PUDP: variants seen among roughly 807,000 people sequenced by gnomAD.
The protein encoded by PUDP is pseudouridine-5'-phosphatase.
A neutral mutation model predicts 9.4 loss-of-function variants in PUDP; 8 were observed. The observed-to-expected ratio is 0.85, with a 90% CI of 0.50 to 1.53. PUDP has a LOEUF of 1.53. Among genes scored for constraint, PUDP ranks in the 40% most tolerant of loss-of-function variants. The probability of loss-of-function intolerance (pLI) is 0.00; values close to 1 mark genes in which losing one functional copy is unlikely to be tolerated. For synonymous variants in PUDP, 99 were observed against 80.7 expected (o/e 1.23, Z -1.22); for missense variants, 188 against 189.7 (o/e 0.99, Z 0.05).
intron 3 of PUDP, among the ~76,000 whole-genome samples, chrX:6,953,406 T>G (rs1928582697): frequency 9.0e-6 from 1 of 111,089 alleles, no homozygotes; most frequent in South Asian, 3.8e-4. Context: ...TCAAAAGGTA[T>G]GAGGGAGTCT....
chrX:6,711,247 C>T (rs1281920780), intron 1 of PUDP, among the ~76,000 whole-genome samples: 1 of 111,268 alleles, frequency 9.0e-6, no homozygotes, highest in Non-Finnish European at 1.9e-5. Context: ...CAGGTATGAA[C>T]AAAATCCATG....
intron 3 of PUDP, among the ~76,000 whole-genome samples, chrX:6,970,965 C>T (rs185477594): frequency 2.4e-3 from 267 of 110,831 alleles, no homozygotes; most frequent in Non-Finnish European, 4.3e-3. Flanking sequence ...GTAGGAGAAT[C>T]GCTTGAACCT....
intron 3 of PUDP, among the ~76,000 whole-genome samples, chrX:6,910,676 G>T (rs1039210318): frequency 7.1e-5 from 8 of 112,385 alleles, no homozygotes; most frequent in African/African-American, 2.6e-4. Flanking sequence ...AAGTGTTTCT[G>T]GAGGATAAAA....
At chrX:6,814,666 T>C (rs1401265533) in intron 3 of PUDP, among the ~76,000 whole-genome samples, 1 of 111,845 alleles carries the variant, frequency 8.9e-6, no homozygotes, top group Non-Finnish European at 1.9e-5. Flanking sequence ...ATAAGCCTTT[T>C]TAAAATGAGA....
intron 1 of PUDP, among the ~76,000 whole-genome samples, chrX:7,118,977 TACTG>T (rs76012187): frequency 0.058 from 6,443 of 111,936 alleles, 189 homozygotes; most frequent in South Asian, 0.088. Context: ...TTGAAACAAA[TACTG>T]ACAAAGAGAA....
intron 1 of PUDP, among the ~76,000 whole-genome samples, chrX:7,125,305 C>G (rs1318691754): frequency 1.8e-5 from 2 of 111,704 alleles, no homozygotes; most frequent in African/African-American, 6.5e-5. Context: ...TTCCATTTAG[C>G]TAATGGCAAT....
intron 2 of PUDP, among the ~76,000 whole-genome samples, chrX:7,095,352 C>G (rs965558152): frequency 8.9e-6 from 1 of 112,284 alleles, no homozygotes; most frequent in Non-Finnish European, 1.9e-5. Flanking sequence ...CATACCCCCA[C>G]GAGTGAAAGC....
chrX:6,734,443 G>A (rs1924849914), intron 3 of PUDP, among the ~76,000 whole-genome samples: 2 of 112,056 alleles, frequency 1.8e-5, no homozygotes, highest in South Asian at 7.6e-4. Flanking sequence ...ATCACATTGT[G>A]CCTCATAAAC....
chrX:7,063,468 G>C (rs1401454266), intron 3 of PUDP, among the ~76,000 whole-genome samples: 1 of 111,494 alleles, frequency 9.0e-6, no homozygotes, highest in African/African-American at 3.3e-5. Flanking sequence ...AAAAGATCAA[G>C]TAATTACTAA....
chrX:7,000,151 G>GAA (rs1259059127), intron 1 of PUDP, among the ~76,000 whole-genome samples: 1 of 109,976 alleles, frequency 9.1e-6, no homozygotes, highest in Non-Finnish European at 1.9e-5. Flanking sequence ...GAGAGAGAGA[G>GAA]AGAGAGAAAC....
intron 1 of PUDP, among the ~76,000 whole-genome samples, chrX:6,711,666 T>G (rs1304818675): frequency 9.0e-6 from 1 of 111,665 alleles, no homozygotes; most frequent in Non-Finnish European, 1.9e-5. Context: ...TTCCGAGGCT[T>G]CTTCTGAGGC....
At chrX:6,968,497 G>A (rs1315036534) in intron 3 of PUDP, among the ~76,000 whole-genome samples, 2 of 111,201 alleles carry the variant, frequency 1.8e-5, no homozygotes, top group East Asian at 5.7e-4. Context: ...TCTGTGATCT[G>A]GAGAGCTGAT....
At chrX:6,709,984 G>A (rs1286458820) in intron 1 of PUDP, among the ~76,000 whole-genome samples, 2 of 111,116 alleles carry the variant, frequency 1.8e-5, no homozygotes, top group African/African-American at 6.6e-5. Context: ...TTAGCCGGGC[G>A]TGGTGGTGGG....
intron 3 of PUDP, among the ~76,000 whole-genome samples, chrX:6,731,396 G>C (rs1254184516): frequency 9.0e-6 from 1 of 111,464 alleles, no homozygotes; most frequent in South Asian, 3.8e-4. Flanking sequence ...CTTAAGCTAC[G>C]AGCTGTCTGA....
At chrX:7,145,014 A>C (rs1197546576) in intron 1 of PUDP, among the ~76,000 whole-genome samples, 1 of 110,915 alleles carries the variant, frequency 9.0e-6, no homozygotes, top group Non-Finnish European at 1.9e-5. Context: ...TTGCTCCACA[A>C]AGACCTAGAC....
chrX:6,909,698 G>A (rs1469879250), intron 3 of PUDP, among the ~76,000 whole-genome samples: 3 of 111,502 alleles, frequency 2.7e-5, no homozygotes, highest in Non-Finnish European at 3.8e-5. Context: ...TAAAGGCTTG[G>A]TTATCCTCTG....
At chrX:7,045,137 C>T (rs1303730436), downstream of PUDP, among the ~76,000 whole-genome samples, 1 of 112,226 alleles carries the variant, frequency 8.9e-6, no homozygotes, top group East Asian at 2.8e-4. Context: ...AGGGAGTTCT[C>T]ATGAGAGCCA....
intron 3 of PUDP, among the ~76,000 whole-genome samples, chrX:6,728,797 T>C (rs973343568): frequency 4.5e-5 from 5 of 111,769 alleles, no homozygotes; most frequent in East Asian, 2.8e-4. Flanking sequence ...ATTATTCCAA[T>C]GTCCTTGGAT....
At chrX:7,147,696 G>A (rs1029160934) in intron 1 of PUDP, among the ~76,000 whole-genome samples, 1 of 112,003 alleles carries the variant, frequency 8.9e-6, no homozygotes, top group Non-Finnish European at 1.9e-5. Flanking sequence ...AGAGCGCGGA[G>A]GTCCCGCCGC....
Sources: allele counts gnomAD v4.1 joint callset (sites outside exome capture counted in the v4.1 genomes callset), GRCh38; gene constraint gnomAD v4.1.1; transcripts MANE v1.5; gene names NCBI Gene and HGNC (gene_info 2026-07-23, HGNC 2026-07-21).